Variants in RPS6KC1 observed in about 807,000 individuals in gnomAD.
The protein encoded by RPS6KC1 is ribosomal protein S6 kinase C1.
A neutral mutation model predicts 103.8 loss-of-function variants in RPS6KC1; 54 were observed. The observed-to-expected ratio is 0.52, with a 90% CI of 0.42 to 0.65. The LOEUF is 0.65. Ranked by LOEUF, RPS6KC1 falls within the 30% of genes least tolerant of loss-of-function variation. The pLI is 0.00. For missense variants in RPS6KC1, 1,151 were observed against 1,253.8 expected (o/e 0.92, Z 1.24); for synonymous variants, 439 against 438.7 (o/e 1.00, Z -0.01).
chr1:213,635,288 C>T, the RPS6KC1 span, among the ~76,000 whole-genome samples: 1 of 152,196 alleles, frequency 6.6e-6, no homozygotes, highest in Admixed American at 6.5e-5. Flanking sequence ...CAGCATTATC[C>T]TGTCACCAAA....
chr1:213,135,984 A>G (rs183663680), intron 6 of RPS6KC1, among the ~76,000 whole-genome samples: 1 of 152,338 alleles, frequency 6.6e-6, no homozygotes, highest in East Asian at 1.9e-4. Flanking sequence ...AACCAACTCA[A>G]AGAGGCTCAC....
chr1:213,578,608 G>C, the RPS6KC1 span, among the ~76,000 whole-genome samples: 2 of 152,234 alleles, frequency 1.3e-5, no homozygotes, highest in Non-Finnish European at 2.9e-5. Flanking sequence ...AGTCAAAGGA[G>C]ATCATTTTGG....
the RPS6KC1 span, among the ~76,000 whole-genome samples, chr1:213,430,325 G>T: frequency 6.6e-6 from 1 of 152,178 alleles, no homozygotes; most frequent in African/African-American, 2.4e-5. Context: ...AAATGAGATA[G>T]TTTTTAGTTT....
At chr1:213,437,987 T>G in the RPS6KC1 span, among the ~76,000 whole-genome samples, 2 of 152,134 alleles carry the variant, frequency 1.3e-5, no homozygotes, top group Non-Finnish European at 2.9e-5. Context: ...TAAATTTATT[T>G]CAATTCATTT....
rs374091106 is a variant in RPS6KC1 at position 213,104,534 on chromosome 1, C to G, written c.343C>G (p.Leu115Val). The change falls in exon 4 of 15, where the codon CTT becomes GTT. Residue 115 changes from leucine to valine, a missense_variant. This residue lies in a region of RPS6KC1 where 959 missense variants were observed against 1,006.3 expected (regional missense o/e 0.95). Coordinates refer to ENST00000366960, the MANE Select transcript of RPS6KC1 (RefSeq NM_012424.6). ...LLQFSANIPA[L>V]YNSKQLEDFF... ...ACAGTTCTCTGCCAATATTCCTGCT[C>G]TTTACAATAGTAAACAGCTTGAAGA... 5.6e-6 allele frequency: 9 copies of G among 1,608,974 alleles called. No homozygotes were observed. The highest frequency in any genetic ancestry group is 7.7e-6 in the Non-Finnish European group (9 of 1,176,106).
At chr1:213,809,504 C>A in the RPS6KC1 span, among the ~76,000 whole-genome samples, 1 of 151,922 alleles carries the variant, frequency 6.6e-6, no homozygotes, top group African/African-American at 2.4e-5. Context: ...TTTTCGCAAA[C>A]CTTAAATTGA....
At chr1:213,766,516 A>C in the RPS6KC1 span, among the ~76,000 whole-genome samples, 2 of 152,210 alleles carry the variant, frequency 1.3e-5, no homozygotes, top group Admixed American at 6.5e-5. Flanking sequence ...GAAATGTGTA[A>C]AATTACCTTG....
the RPS6KC1 span, among the ~76,000 whole-genome samples, chr1:213,827,781 C>T: frequency 1.3e-5 from 2 of 152,082 alleles, no homozygotes; most frequent in African/African-American, 2.4e-5. Context: ...TTAGACTAGT[C>T]GGATGAGACA....
the RPS6KC1 span, among the ~76,000 whole-genome samples, chr1:213,803,889 G>A: frequency 7.2e-6 from 1 of 138,358 alleles, no homozygotes. Flanking sequence ...ATATCATGGG[G>A]ATCTACAAAA....
the RPS6KC1 span, among the ~76,000 whole-genome samples, chr1:213,370,017 C>T: frequency 1.9e-3 from 293 of 152,272 alleles, 1 homozygote; most frequent in Admixed American, 5.3e-3. Context: ...TGCTCTCACT[C>T]ACTATGGTGC....
At chr1:213,581,665 A>C in the RPS6KC1 span, among the ~76,000 whole-genome samples, 5 of 152,046 alleles carry the variant, frequency 3.3e-5, no homozygotes, top group Non-Finnish European at 7.4e-5. Flanking sequence ...TGCAAGTGGG[A>C]GCTCCTCAAC....
the RPS6KC1 span, among the ~76,000 whole-genome samples, chr1:213,769,530 A>AGAGAGG: frequency 6.6e-6 from 1 of 151,376 alleles, no homozygotes; most frequent in Non-Finnish European, 1.5e-5. Context: ...AGAGAGAGAG[A>AGAGAGG]GAGAGAGACA....
chr1:213,226,139 C>T (rs552675982), intron 8 of RPS6KC1, among the ~76,000 whole-genome samples: 5 of 151,100 alleles, frequency 3.3e-5, no homozygotes, highest in East Asian at 2.0e-4. Context: ...AGGAGAATGG[C>T]GTGAACCCGG....
the RPS6KC1 span, among the ~76,000 whole-genome samples, chr1:213,513,192 C>T: frequency 6.6e-6 from 1 of 152,020 alleles, no homozygotes; most frequent in African/African-American, 2.4e-5. Flanking sequence ...GGAGGAGGGC[C>T]ATGAGCCAAG....
chr1:213,487,493 T>C, the RPS6KC1 span, among the ~76,000 whole-genome samples: 2 of 137,960 alleles, frequency 1.4e-5, no homozygotes, highest in African/African-American at 5.2e-5. Flanking sequence ...GCAGCCTGAG[T>C]GATTTTTTTT....
the RPS6KC1 span, among the ~76,000 whole-genome samples, chr1:213,524,252 A>G: frequency 1.3e-5 from 2 of 152,006 alleles, no homozygotes; most frequent in Non-Finnish European, 2.9e-5. Flanking sequence ...TGGGAAAAAA[A>G]TAGTATTGTG....
At chr1:213,383,112 C>T in the RPS6KC1 span, among the ~76,000 whole-genome samples, 4 of 152,230 alleles carry the variant, frequency 2.6e-5, no homozygotes, top group South Asian at 8.3e-4. Context: ...GTGTGTCCTG[C>T]TGAGTGTCGA....
chr1:213,516,398 C>T, the RPS6KC1 span, among the ~76,000 whole-genome samples: 258 of 151,950 alleles, frequency 1.7e-3, no homozygotes, highest in Non-Finnish European at 2.9e-3. Context: ...TTTTGAGATA[C>T]GTCCCATCAA....
chr1:213,760,990 G>T, the RPS6KC1 span, among the ~76,000 whole-genome samples: 5 of 151,094 alleles, frequency 3.3e-5, no homozygotes, highest in East Asian at 9.8e-4. Context: ...ATGTTTTCCA[G>T]GTCACAAAGC....
Sources: allele counts gnomAD v4.1 joint callset (sites outside exome capture counted in the v4.1 genomes callset), GRCh38; gene constraint gnomAD v4.1.1; regional missense constraint gnomAD v4.1.1; transcripts MANE v1.5; gene names NCBI Gene and HGNC (gene_info 2026-07-23, HGNC 2026-07-21).